Variants in GDPD1 observed in about 807,000 individuals in gnomAD.
The protein encoded by GDPD1 is glycerophosphodiester phosphodiesterase domain containing 1, also known as lysophospholipase D GDPD1.
In GDPD1, 28 loss-of-function variants were observed where a neutral mutation model predicts 45.1. That is an observed-to-expected ratio of 0.62 (90% CI 0.46 to 0.85). The LOEUF (loss-of-function observed/expected upper bound fraction) is 0.85, where lower values mean the gene tolerates loss of function less well. GDPD1 is among the 40% of genes least tolerant of loss of function. The pLI, the probability that GDPD1 is intolerant of heterozygous loss-of-function variation, is 0.00. For synonymous variants in GDPD1, 139 were observed against 131.4 expected, an observed-to-expected ratio of 1.06 and a Z score of -0.40; for missense variants, 256 against 364.8, an observed-to-expected ratio of 0.70 and a Z score of 2.43.
At chr17:59,235,765 C>T (rs775474634) in intron 2 of GDPD1, among the ~76,000 whole-genome samples, 55 of 150,200 alleles carry the variant, frequency 3.7e-4, no homozygotes, top group Middle Eastern at 3.4e-3. Flanking sequence ...TGCATTGAGC[C>T]GAGATTGCAC....
chr17:59,253,917 G>A (rs2047275604), intron 4 of GDPD1, among the ~76,000 whole-genome samples: 2 of 152,038 alleles, frequency 1.3e-5, no homozygotes, highest in South Asian at 2.1e-4. Flanking sequence ...GGTTTCCAAA[G>A]GAAGGAAGAA....
intron 4 of GDPD1, among the ~76,000 whole-genome samples, chr17:59,252,160 G>A (rs909644433): frequency 2.0e-5 from 3 of 151,916 alleles, no homozygotes; most frequent in Non-Finnish European, 4.4e-5. Context: ...GGAGGCCGAG[G>A]CAGGTGGATC....
At chr17:59,223,837 G>A (rs2047024620) in intron 1 of GDPD1, among the ~76,000 whole-genome samples, 1 of 152,184 alleles carries the variant, frequency 6.6e-6, no homozygotes, top group Non-Finnish European at 1.5e-5. Context: ...CTTGAACCTG[G>A]GAGGCGGAGG....
intron 7 of GDPD1, among the ~76,000 whole-genome samples, chr17:59,267,986 G>GT (rs1313625305): frequency 6.6e-6 from 1 of 151,904 alleles, no homozygotes; most frequent in African/African-American, 2.4e-5. Context: ...TTATATTTAC[G>GT]TAATTCCACT....
At chr17:59,272,714 C>T (rs945809983) in intron 8 of GDPD1, 71 bp from the exon 9 acceptor site, 12 of 878,074 alleles carry the variant, frequency 1.4e-5, no homozygotes, top group African/African-American at 1.3e-4. Context: ...ACTGGAATTA[C>T]TAAACTCTAA....
Position 59,222,505 on chromosome 17 carries a change from CTTTTT to C in GDPD1, c.142+1776_142+1780del, listed in dbSNP as rs149536097. ...ACAGGCGTGAGCCACAGTGCCCAGC[CTTTTT>C]TTTTTTTTTTTTTTTTTTTTTGAGA... On this transcript the variant is annotated intron_variant, in intron 1 of 9. Transcript: ENST00000284116. Among the ~76,000 whole-genome samples, 19 of 41,740 alleles carry C rather than the reference CTTTTT, an allele frequency of 4.6e-4. No homozygotes were observed. The South Asian group carries it at 5.0e-3, about 11-fold the overall frequency. The allele number at this position is 41,740 out of a possible 152,430, so 27.4% of individuals were successfully genotyped here.
In GDPD1 at chr17:59,261,417, G is replaced by A. The variant is rs576903890; in HGVS notation, c.576+3577G>A. Among the ~76,000 whole-genome samples, 16 of 151,948 alleles carry A rather than the reference G, an allele frequency of 1.1e-4. No individual in the cohort carries two copies. The East Asian group carries it at 2.5e-3, about 24-fold the overall frequency. ...CTTCCATAACTCCCAGCAATCTTAG[G>A]CATTTATCCCAGAAAAATGAAATAC... On this transcript the variant is annotated intron_variant, in intron 6 of 9. Coordinates refer to ENST00000284116, the MANE Select transcript of GDPD1 (RefSeq NM_182569.4).
intron 4 of GDPD1, among the ~76,000 whole-genome samples, chr17:59,251,328 G>A (rs551732749): frequency 6.6e-6 from 1 of 152,136 alleles, no homozygotes; most frequent in South Asian, 2.1e-4. Flanking sequence ...AGACCAGCCT[G>A]GCCAACACGG....
At chr17:59,234,573 T>G in intron 2 of GDPD1, 39 bp downstream of exon 2, 1 of 1,412,004 alleles carries the variant, frequency 7.1e-7, no homozygotes, top group Non-Finnish European at 1.0e-6. Context: ...TCTTTTCTTT[T>G]ACAGTTTGCA....
chr17:59,240,224 G>C (rs895419143), intron 2 of GDPD1, among the ~76,000 whole-genome samples: 7 of 151,810 alleles, frequency 4.6e-5, no homozygotes, highest in Admixed American at 1.3e-4. Context: ...CTGGAGAGCG[G>C]AAGTTGCAGT....
chr17:59,261,015 G>C (rs2047351423), intron 6 of GDPD1, among the ~76,000 whole-genome samples: 1 of 152,170 alleles, frequency 6.6e-6, no homozygotes, highest in Admixed American at 6.6e-5. Context: ...ACTCAGGCTG[G>C]AGTGCAGTTG....
intron 4 of GDPD1, among the ~76,000 whole-genome samples, chr17:59,255,755 A>AT (rs2047292579): frequency 1.1e-5 from 1 of 87,528 alleles, no homozygotes; most frequent in African/African-American, 7.0e-5. Context: ...AAAAAAAAAA[A>AT]AAAAAAAATA....
chr17:59,247,717 C>T (rs1322226611), intron 3 of GDPD1, among the ~76,000 whole-genome samples: 1 of 152,024 alleles, frequency 6.6e-6, no homozygotes, highest in Non-Finnish European at 1.5e-5. Flanking sequence ...GCAACCTCCG[C>T]CTCCCGGGTT....
intron 6 of GDPD1, among the ~76,000 whole-genome samples, chr17:59,266,523 ATGG>A (rs1174210418): frequency 3.3e-5 from 5 of 152,178 alleles, no homozygotes; most frequent in African/African-American, 1.2e-4. Flanking sequence ...GAAACTTAAA[ATGG>A]TGGTTAGATT....
chr17:59,239,503 C>G (rs1027511931), intron 2 of GDPD1, among the ~76,000 whole-genome samples: 2 of 151,840 alleles, frequency 1.3e-5, no homozygotes, highest in Admixed American at 1.3e-4. Context: ...TTTTTGAAGG[C>G]AAAAGTGATA....
chr17:59,231,899 A>G (rs1249319143), intron 1 of GDPD1, among the ~76,000 whole-genome samples: 3 of 152,144 alleles, frequency 2.0e-5, no homozygotes, highest in South Asian at 4.1e-4. Flanking sequence ...AAATGCTAGG[A>G]TTATAGGCAT....
intron 3 of GDPD1, among the ~76,000 whole-genome samples, chr17:59,246,039 G>T (rs2047208400): frequency 2.0e-5 from 3 of 151,900 alleles, no homozygotes; most frequent in Admixed American, 1.3e-4. Flanking sequence ...AGAATCACTT[G>T]AATCTGGGAG....
At chr17:59,229,122 G>GTTA (rs71145540) in intron 1 of GDPD1, among the ~76,000 whole-genome samples, 12,041 of 134,288 alleles carry the variant, frequency 0.09, 587 homozygotes, top group Non-Finnish European at 0.11. Flanking sequence ...TCCTCAAATT[G>GTTA]TTATTATTAT....
At chr17:59,261,534 T>A (rs965151115) in intron 6 of GDPD1, among the ~76,000 whole-genome samples, 1 of 152,056 alleles carries the variant, frequency 6.6e-6, no homozygotes, top group African/African-American at 2.4e-5. Flanking sequence ...ACTTGCTCTG[T>A]CACTGAGGCT....
Sources: gnomAD v4.1 joint callset for allele counts (sites outside exome capture counted in the v4.1 genomes callset) on GRCh38, gnomAD v4.1.1 for gene constraint, MANE v1.5 for transcripts, NCBI Gene and HGNC (gene_info 2026-07-23, HGNC 2026-07-21) for gene names.